Variants in PTPN11 observed in about 807,000 individuals in gnomAD.
PTPN11 encodes tyrosine-protein phosphatase non-receptor type 11.
PTPN11 carries 6 observed loss-of-function variants against 78.8 expected under a neutral mutation model. That is an observed-to-expected ratio of 0.08 (90% CI 0.04 to 0.15). The LOEUF is 0.15. Ranked by LOEUF, PTPN11 falls within the 10% of genes least tolerant of loss-of-function variation. The pLI is 1.00. For synonymous variants in PTPN11, 221 were observed against 263.5 expected (o/e 0.84, Z 1.56); for missense variants, 386 against 744.8 (o/e 0.52, Z 5.61).
chr12:112,478,128 T>C (rs2038538447), intron 9 of PTPN11, 113 bp downstream of exon 9: 1 of 1,239,800 alleles, frequency 8.1e-7, no homozygotes. Flanking sequence ...ACTGATTCTC[T>C]GGAAAAAAGG....
chr12:112,443,348 C>A (rs1454673483), intron 1 of PTPN11, among the ~76,000 whole-genome samples: 1 of 150,698 alleles, frequency 6.6e-6, no homozygotes, highest in Admixed American at 6.6e-5. Context: ...AACTCCTCTT[C>A]ATGGTTGTAT....
At chr12:112,467,024 G>A (rs2038337263) in intron 6 of PTPN11, among the ~76,000 whole-genome samples, 1 of 152,082 alleles carries the variant, frequency 6.6e-6, no homozygotes, top group Non-Finnish European at 1.5e-5. Flanking sequence ...GCAGTCACTG[G>A]GCTGCTGCTC....
chr12:112,429,904 T>G (rs773115799), intron 1 of PTPN11, among the ~76,000 whole-genome samples: 4 of 152,230 alleles, frequency 2.6e-5, no homozygotes, highest in Admixed American at 6.5e-5. Context: ...TAGCAGAATG[T>G]AATGGTGAAA....
chr12:112,499,834 CG>C (rs1446930705), intron 13 of PTPN11, among the ~76,000 whole-genome samples: 1 of 150,958 alleles, frequency 6.6e-6, no homozygotes. Flanking sequence ...CTGTAGCTAT[CG>C]GGAGGCTGAG....
At chr12:112,446,536 G>T in intron 2 of PTPN11, 138 bp downstream of exon 2, 1 of 1,239,252 alleles carries the variant, frequency 8.1e-7, no homozygotes. Context: ...AGGGTTTGGG[G>T]AGTGGCCTCC....
rs1592850347 is a variant in PTPN11 at position 112,482,197 on chromosome 12, G to A, written c.1216G>A (p.Val406Ile). ...YTLRELKLSK[V>I]GQGNTERTVW... Reference sequence around the variant, plus strand: ...GCTAAGAGAACTTAAACTTTCAAAGGTTGGACAAGTAAGTATATTGTCGTA... The same window carrying A: ...GCTAAGAGAACTTAAACTTTCAAAGATTGGACAAGTAAGTATATTGTCGTA... The change falls in exon 10 of 16, where the codon GTT becomes ATT. Residue 406 changes from valine (V) to isoleucine (I), a missense_variant. Physicochemically the swap from Val to Ile is conservative, Grantham distance 29 (BLOSUM62 3). Transcript: ENST00000351677. This position sits in a 1 kb window ranked among gnomAD's most constrained non-coding sequence, Gnocchi z 4.4. 6.2e-7 allele frequency: 1 copy of A among 1,613,414 alleles called. No homozygotes were observed. Among genetic ancestry groups the A allele is most frequent in the Non-Finnish European group, 8.5e-7 (1 of 1,179,480 alleles).
At chr12:112,430,788 A>C (rs895562822) in intron 1 of PTPN11, among the ~76,000 whole-genome samples, 2 of 151,798 alleles carry the variant, frequency 1.3e-5, no homozygotes, top group African/African-American at 2.4e-5. Flanking sequence ...CCAGACTGCA[A>C]GTTAGTTTCA....
chr12:112,505,042 G>A (rs553993300), intron 15 of PTPN11, among the ~76,000 whole-genome samples: 1 of 152,282 alleles, frequency 6.6e-6, no homozygotes, highest in Admixed American at 6.5e-5. Context: ...CAGAGAAATG[G>A]CTGATACTGG....
At chr12:112,459,247 A>G (rs192606285) in intron 6 of PTPN11, among the ~76,000 whole-genome samples, 1 of 152,266 alleles carries the variant, frequency 6.6e-6, no homozygotes, top group Admixed American at 6.5e-5. Flanking sequence ...TCAAAATTGA[A>G]TGGAAAGCCG....
chr12:112,479,255 T>G (rs895551150), intron 9 of PTPN11, among the ~76,000 whole-genome samples: 4 of 149,796 alleles, frequency 2.7e-5, no homozygotes, highest in Admixed American at 6.7e-5. Context: ...ACCATGGTGG[T>G]TTTTTTTTTA....
intron 1 of PTPN11, among the ~76,000 whole-genome samples, chr12:112,440,343 G>A (rs572881776): frequency 6.0e-4 from 90 of 150,262 alleles, no homozygotes; most frequent in Non-Finnish European, 9.8e-4. Flanking sequence ...GCATGATCTC[G>A]GCTCACTGCA....
intron 14 of PTPN11, among the ~76,000 whole-genome samples, chr12:112,502,836 T>C (rs551144495): frequency 6.6e-6 from 1 of 152,340 alleles, no homozygotes; most frequent in East Asian, 1.9e-4. Flanking sequence ...TATCAAGTGG[T>C]GGTTCTCCAA....
chr12:112,449,844 T>C (rs2038053619), intron 2 of PTPN11, among the ~76,000 whole-genome samples: 1 of 152,058 alleles, frequency 6.6e-6, no homozygotes, highest in Non-Finnish European at 1.5e-5. Flanking sequence ...GGTGGGTGGA[T>C]CACCTGTGGT....
chr12:112,465,075 GTTA>G (rs2038305247), intron 6 of PTPN11, among the ~76,000 whole-genome samples: 1 of 152,206 alleles, frequency 6.6e-6, no homozygotes, highest in African/African-American at 2.4e-5. Context: ...CAATGTGTGT[GTTA>G]TTGTACACTT....
At chr12:112,478,466 T>A (rs2038544821) in intron 9 of PTPN11, among the ~76,000 whole-genome samples, 1 of 152,108 alleles carries the variant, frequency 6.6e-6, no homozygotes. Context: ...ATACGTGTAT[T>A]AGACTACTTG....
At chr12:112,469,811 G>T (rs1179384964) in intron 6 of PTPN11, among the ~76,000 whole-genome samples, 1 of 152,164 alleles carries the variant, frequency 6.6e-6, no homozygotes, top group Non-Finnish European at 1.5e-5. Context: ...CACTGGGCCT[G>T]GCTGAGGCAG....
intron 13 of PTPN11, among the ~76,000 whole-genome samples, chr12:112,489,441 C>T (rs897018409): frequency 6.6e-6 from 1 of 152,180 alleles, no homozygotes; most frequent in Non-Finnish European, 1.5e-5. Context: ...CAGAAAGGTT[C>T]TGATGTTCTC....
At chr12:112,457,467 G>T (rs1298881661) in intron 6 of PTPN11, 1 of 193,154 alleles carries the variant, frequency 5.2e-6, no homozygotes, top group African/African-American at 2.4e-5. Context: ...AAATAGTGCT[G>T]CAATAAACAT....
In PTPN11 at chr12:112,477,673, A is replaced by G; in HGVS notation, c.876A>G (p.Leu292=). Residue 292 remains leucine, a synonymous_variant, in exon 8 of 16, where the codon CTA becomes CTG. Transcript: ENST00000351677. Reference sequence around the variant, plus strand: ...TAGTTGATCATACCAGGGTTGTCCTACACGATGGTGATCCCAATGAGCCTG... The same window carrying G: ...TAGTTGATCATACCAGGGTTGTCCTGCACGATGGTGATCCCAATGAGCCTG... ...ILPFDHTRVV[L]HDGDPNEPVS... 1 of 1,612,840 alleles carries G rather than the reference A, an allele frequency of 6.2e-7. No homozygotes were observed. Among genetic ancestry groups the G allele is most frequent in the South Asian group, 1.1e-5 (1 of 91,052 alleles).
Sources: allele counts gnomAD v4.1 joint callset (sites outside exome capture counted in the v4.1 genomes callset), GRCh38; gene constraint gnomAD v4.1.1; non-coding constraint Gnocchi (gnomAD v3.1); transcripts MANE v1.5; gene names NCBI Gene and HGNC (gene_info 2026-07-23, HGNC 2026-07-21).